The following RIMBP2 variants were observed in gnomAD, a reference collection of about 807,000 sequenced individuals.
The protein encoded by RIMBP2 is RIMS-binding protein 2.
Under a neutral mutation model 118.6 loss-of-function variants are expected in RIMBP2, and 48 were observed. The observed-to-expected ratio is 0.40, with a 90% CI of 0.32 to 0.51. RIMBP2 has a LOEUF of 0.51. Among genes scored for constraint, RIMBP2 ranks in the 20% least tolerant of loss-of-function variants. The pLI, the probability that RIMBP2 is intolerant of heterozygous loss-of-function variation, is 0.41. For synonymous variants in RIMBP2, 762 were observed against 742.9 expected (o/e 1.03, Z -0.42); for missense variants, 1,551 against 1,768.3 (o/e 0.88, Z 2.20).
In RIMBP2 at chr12:130,532,710, T is replaced by G. The variant is rs544517441; in HGVS notation, c.-216-14793A>C. Among the ~76,000 whole-genome samples the G allele has an allele frequency of 9.2e-4, 106 of 114,856 alleles. 5 individuals are homozygous for G. Among genetic ancestry groups the G allele is most frequent in the East Asian group, 1.2e-3 (3 of 2,456 alleles). The allele number at this position is 114,856 out of a possible 152,430, so 75.3% of individuals were successfully genotyped here. A position where few individuals can be genotyped will look rare whatever the true frequency, so the allele number is the denominator to read the frequency against. ...ATGCGTGTGTTCAGCCTCTAGGAGT[T>G]ACGTCTAATGAGATGTGTGTGTTCA... On this transcript the variant is annotated intron_variant, in intron 2 of 22. Coordinates refer to ENST00000690449, the MANE Select transcript of RIMBP2 (RefSeq NM_001393629.1).
intron 4 of RIMBP2, 146 bp from the exon 5 acceptor site, chr12:130,479,162 T>C: frequency 1.8e-6 from 1 of 553,074 alleles, no homozygotes; most frequent in Non-Finnish European, 3.1e-6. Context: ...ACCTCCGTGC[T>C]GCCAACAGGG....
chr12:130,614,232 G>A (rs527717293), intron 2 of RIMBP2, among the ~76,000 whole-genome samples: 17 of 152,296 alleles, frequency 1.1e-4, no homozygotes, highest in Admixed American at 2.0e-4. Context: ...AGAAACAGAA[G>A]TTACTTACGG....
intron 2 of RIMBP2, among the ~76,000 whole-genome samples, chr12:130,541,693 TG>T (rs1482250780): frequency 6.6e-6 from 1 of 152,268 alleles, no homozygotes; most frequent in East Asian, 1.9e-4. Context: ...AGGCATCATC[TG>T]GCCATGGAGT....
intron 1 of RIMBP2, among the ~76,000 whole-genome samples, chr12:130,715,156 G>C (rs1463672404): frequency 6.6e-6 from 1 of 152,228 alleles, no homozygotes; most frequent in Non-Finnish European, 1.5e-5. Context: ...GGACGAAGTG[G>C]GGTTTTCACC....
rs948295958 is a variant in RIMBP2 at position 130,451,288 on chromosome 12, G to A, written c.411C>T (p.Pro137=). 1.2e-6 allele frequency: 2 copies of A among 1,614,054 alleles called. No individual in the cohort carries two copies. Among genetic ancestry groups the A allele is most frequent in the African/African-American group, 2.7e-5 (2 of 74,944 alleles). ...CCGGCCTGTCACCAGGCTGCGGAAG[G>A]GGCCGGATATATTCACCGATCGCAG... ...GSSAIGEYIR[P]LPQPGDRPEP... The change falls in exon 8 of 23, where the codon CCC becomes CCT. Residue 137 remains proline (P), a synonymous_variant. Coordinates refer to ENST00000690449, the MANE Select transcript of RIMBP2 (RefSeq NM_001393629.1).
At chr12:130,686,668 G>A (rs902814331) in intron 1 of RIMBP2, among the ~76,000 whole-genome samples, 1 of 152,252 alleles carries the variant, frequency 6.6e-6, no homozygotes, top group African/African-American at 2.4e-5. Context: ...CACATGGCCA[G>A]GGCGTTTAGC....
At position 130,648,658 on chromosome 12, in the gene RIMBP2, C is replaced by CTT. The variant is rs575247641; in HGVS notation, c.-351-20204_-351-20203dup. Among the ~76,000 whole-genome samples the CTT allele has an allele frequency of 7.6e-3, 1,011 of 132,542 alleles. 107 individuals carry two copies. The highest frequency in any genetic ancestry group is 0.058 in the South Asian group (249 of 4,290). 87.0% of individuals were successfully genotyped at this position (132,542 alleles called of 152,430 possible). A position where few individuals can be genotyped will look rare whatever the true frequency, so the allele number is the denominator to read the frequency against. On this transcript the variant is annotated intron_variant, in intron 1 of 22. Transcript: ENST00000690449. ...GTTAAAAACTATCTAAAATTAGTAT[C>CTT]TTTTTTTTTTTTTTTGAGACGGAGT...
chr12:130,542,962 G>A (rs189282418), intron 2 of RIMBP2, among the ~76,000 whole-genome samples: 1 of 152,274 alleles, frequency 6.6e-6, no homozygotes, highest in East Asian at 1.9e-4. Context: ...ACAAATCTGT[G>A]GGGTTGGAGG....
intron 21 of RIMBP2, among the ~76,000 whole-genome samples, chr12:130,402,919 A>G (rs1463302797): frequency 6.6e-6 from 1 of 152,248 alleles, no homozygotes; most frequent in Non-Finnish European, 1.5e-5. Flanking sequence ...GCTTTAAAAC[A>G]CGATGGGGTG....
intron 1 of RIMBP2, among the ~76,000 whole-genome samples, chr12:130,666,281 G>T (rs1332025071): frequency 6.6e-6 from 1 of 152,170 alleles, no homozygotes. Flanking sequence ...AGAAGAGAGA[G>T]TCTAAAACAT....
rs540033556 is a variant in RIMBP2 at position 130,639,240 on chromosome 12, T to C, written c.-351-10784A>G. Among the ~76,000 whole-genome samples, 3 of 151,312 alleles carry C rather than the reference T, an allele frequency of 2.0e-5. No individual in the cohort carries two copies. In the South Asian group the frequency reaches 6.3e-4, roughly 32 times the overall value. ...CCCATCTCTACTAAAAATACAAAAA[T>C]TAGCCGGGCATGGTGGCAGGCACCT... On this transcript the variant is annotated intron_variant, in intron 1 of 22. Coordinates refer to ENST00000690449, the MANE Select transcript of RIMBP2 (RefSeq NM_001393629.1).
chr12:130,574,991 C>A (rs1276803496), intron 2 of RIMBP2, among the ~76,000 whole-genome samples: 1 of 114,980 alleles, frequency 8.7e-6, no homozygotes, highest in Non-Finnish European at 1.8e-5. Flanking sequence ...CCCAGACGCC[C>A]TGTGCCAAGT....
chr12:130,456,743 G>A (rs1264989808), intron 6 of RIMBP2, 43 bp from the exon 7 acceptor site: 3 of 1,498,998 alleles, frequency 2.0e-6, no homozygotes, highest in Admixed American at 1.8e-5. Flanking sequence ...GTGGCATTTG[G>A]TGGTGGAAAT....
At chr12:130,540,347 G>A (rs774792377) in intron 2 of RIMBP2, among the ~76,000 whole-genome samples, 50 of 152,272 alleles carry the variant, frequency 3.3e-4, no homozygotes, top group African/African-American at 9.6e-4. Context: ...TTAAGGAATC[G>A]CACACAAGAA....
chr12:130,492,661 G>A (rs1593512084), intron 4 of RIMBP2, among the ~76,000 whole-genome samples: 1 of 152,328 alleles, frequency 6.6e-6, no homozygotes, highest in East Asian at 1.9e-4. Flanking sequence ...CCAAGTAGAG[G>A]GGATCTTATC....
chr12:130,554,089 C>T (rs2056105190), intron 2 of RIMBP2, among the ~76,000 whole-genome samples: 1 of 152,018 alleles, frequency 6.6e-6, no homozygotes, highest in South Asian at 2.1e-4. Context: ...TCTCGGGAAG[C>T]AGTGAATTAA....
chr12:130,408,837 T>G (rs1414622336), intron 19 of RIMBP2, among the ~76,000 whole-genome samples: 2 of 152,196 alleles, frequency 1.3e-5, no homozygotes, highest in Non-Finnish European at 2.9e-5. Flanking sequence ...GCAACTAAAG[T>G]CAGCGATGTG....
intron 11 of RIMBP2, among the ~76,000 whole-genome samples, chr12:130,440,210 G>C (rs1032977262): frequency 2.1e-5 from 3 of 141,200 alleles, no homozygotes; most frequent in Admixed American, 2.1e-4. Context: ...GGCCGTACCT[G>C]CACCACCGTC....
chr12:130,561,921 T>A (rs1193273531), intron 2 of RIMBP2, among the ~76,000 whole-genome samples: 1 of 152,174 alleles, frequency 6.6e-6, no homozygotes, highest in African/African-American at 2.4e-5. Context: ...TTATTAATAA[T>A]TTATTCTGAT....
Sources: gnomAD v4.1 joint callset for allele counts (sites outside exome capture counted in the v4.1 genomes callset) on GRCh38, gnomAD v4.1.1 for gene constraint, MANE v1.5 for transcripts, NCBI Gene and HGNC (gene_info 2026-07-23, HGNC 2026-07-21) for gene names.